TMEM131: variants seen among roughly 807,000 people sequenced by gnomAD.
TMEM131 encodes 2610524E03Rik.
In TMEM131, 66 loss-of-function variants were observed where a neutral mutation model predicts 211.6. That is an observed-to-expected ratio of 0.31 (90% CI 0.26 to 0.38). The LOEUF (loss-of-function observed/expected upper bound fraction) is 0.38. Ranked by LOEUF, TMEM131 falls within the 10% of genes least tolerant of loss-of-function variation. The probability of loss-of-function intolerance (pLI) is 1.00; values close to 1 mark genes in which losing one functional copy is unlikely to be tolerated. For synonymous variants in TMEM131, 844 were observed against 841.3 expected (o/e 1.00, Z -0.06); for missense variants, 2,036 against 2,299.3 (o/e 0.89, Z 2.34).
At chr2:97,934,145 A>G (rs1375488477) in intron 1 of TMEM131, among the ~76,000 whole-genome samples, 2 of 152,186 alleles carry the variant, frequency 1.3e-5, no homozygotes, top group African/African-American at 4.8e-5. Flanking sequence ...AGTCCTTCTT[A>G]AAGGTAATAA....
intron 6 of TMEM131, among the ~76,000 whole-genome samples, chr2:97,842,632 T>G (rs1683251233): frequency 6.6e-6 from 1 of 151,502 alleles, no homozygotes; most frequent in Non-Finnish European, 1.5e-5. Flanking sequence ...ACAGCAGTGG[T>G]AGTGAGGAGG....
chr2:97,969,054 T>C (rs1679181035), intron 1 of TMEM131, among the ~76,000 whole-genome samples: 1 of 150,896 alleles, frequency 6.6e-6, no homozygotes, highest in Non-Finnish European at 1.5e-5. Flanking sequence ...CTCACTGCAC[T>C]TGAGTATGGG....
At chr2:97,767,489 G>A (rs1679226928) in intron 33 of TMEM131, among the ~76,000 whole-genome samples, 1 of 152,152 alleles carries the variant, frequency 6.6e-6, no homozygotes, top group South Asian at 2.1e-4. Context: ...GGACTGGGAG[G>A]ACCTCCGGAA....
At chr2:97,804,973 T>A in intron 22 of TMEM131, 115 bp downstream of exon 22, 1 of 711,366 alleles carries the variant, frequency 1.4e-6, no homozygotes. Flanking sequence ...AAATTAGGCA[T>A]TCTTTCTTAG....
At chr2:97,825,106 A>G (rs997019873) in intron 11 of TMEM131, among the ~76,000 whole-genome samples, 1 of 152,204 alleles carries the variant, frequency 6.6e-6, no homozygotes, top group East Asian at 1.9e-4. Context: ...ACATGTCCCA[A>G]CTTATGTGGA....
intron 17 of TMEM131, among the ~76,000 whole-genome samples, chr2:97,812,087 T>C (rs1681573743): frequency 6.6e-6 from 1 of 152,182 alleles, no homozygotes. Flanking sequence ...GGGCCATCTC[T>C]TTTTCCCAGT....
At chr2:97,943,021 GAAAAGAAAAGAAAAGAAAAGAA>G (rs1677835805) in intron 1 of TMEM131, among the ~76,000 whole-genome samples, 1 of 39,212 alleles carries the variant, frequency 2.6e-5, no homozygotes, top group Non-Finnish European at 4.9e-5. Context: ...GAAAAGAAAA[GAAAAGAAAAGAAAAGAAAAGAA>G]AGAAAGAAAG....
At chr2:97,911,128 T>C (rs1359975199) in intron 2 of TMEM131, among the ~76,000 whole-genome samples, 3 of 152,164 alleles carry the variant, frequency 2.0e-5, no homozygotes, top group Admixed American at 6.5e-5. Context: ...GAATAAGCTA[T>C]TGATATACAA....
chr2:97,938,635 C>G (rs1252108826), intron 1 of TMEM131, among the ~76,000 whole-genome samples: 2 of 152,176 alleles, frequency 1.3e-5, no homozygotes, highest in Non-Finnish European at 2.9e-5. Flanking sequence ...AGAAAGTTAA[C>G]AAGGATATCC....
chr2:97,799,916 TAA>T (rs1680946169), intron 25 of TMEM131, among the ~76,000 whole-genome samples: 1 of 152,182 alleles, frequency 6.6e-6, no homozygotes, highest in African/African-American at 2.4e-5. Flanking sequence ...ACCTGTCTAT[TAA>T]GTCAGGGAGC....
chr2:97,931,148 CAAT>C (rs1371371562), intron 1 of TMEM131, among the ~76,000 whole-genome samples: 1 of 151,718 alleles, frequency 6.6e-6, no homozygotes, highest in Non-Finnish European at 1.5e-5. Context: ...ATATTTCTGA[CAAT>C]AAGTGAGGAA....
chr2:97,965,631 G>A (rs924726206), intron 1 of TMEM131, among the ~76,000 whole-genome samples: 2 of 151,918 alleles, frequency 1.3e-5, no homozygotes, highest in Admixed American at 1.3e-4. Context: ...GCTGTGACAA[G>A]CCCCATGGCT....
intron 7 of TMEM131, among the ~76,000 whole-genome samples, chr2:97,838,651 G>A (rs1294560304): frequency 6.6e-6 from 1 of 152,022 alleles, no homozygotes; most frequent in Non-Finnish European, 1.5e-5. Flanking sequence ...CACCATGTTG[G>A]TCAGGCTGGT....
At chr2:97,805,473 C>T (rs1340542515) in intron 20 of TMEM131, 22 bp from the exon 21 acceptor site, 1 of 1,613,770 alleles carries the variant, frequency 6.2e-7, no homozygotes, top group South Asian at 1.1e-5. Flanking sequence ...CACAGGAGAA[C>T]CATGAATCCC....
chr2:97,912,667 A>C (rs1242669665), intron 2 of TMEM131, among the ~76,000 whole-genome samples: 2 of 152,198 alleles, frequency 1.3e-5, no homozygotes, highest in East Asian at 3.8e-4. Context: ...ATGTATATGC[A>C]TGTGAGTTTG....
chr2:97,931,566 CAA>C (rs1486007385), intron 1 of TMEM131, among the ~76,000 whole-genome samples: 2 of 151,880 alleles, frequency 1.3e-5, no homozygotes, highest in Non-Finnish European at 2.9e-5. Flanking sequence ...ATGAAAAAAA[CAA>C]ATGCTGTAAA....
chr2:97,797,471 G>A lies in TMEM131; in HGVS notation c.2764C>T (p.Arg922Ter). 1.2e-6 allele frequency: 2 copies of A among 1,613,500 alleles called. No individual in the cohort carries two copies. Among genetic ancestry groups the A allele is most frequent in the Non-Finnish European group, 1.7e-6 (2 of 1,179,616 alleles). The change falls in exon 26 of 41, where the codon CGA becomes TGA. Residue 922 changes from arginine (R) to a stop codon, truncating the protein, a stop_gained. Coordinates refer to ENST00000186436, the MANE Select transcript of TMEM131 (RefSeq NM_015348.2). LOFTEE classifies it high-confidence loss of function. The part of the protein sequence containing the change: ...SSTGFMEGLS[R>*]HLILNLILKP... ...AAAATTAGGTTTAAAATTAAATGTC[G>A]AGAGAGGCCCTCCATAAATCCTGTT...
At chr2:97,876,675 T>C (rs1674709239) in intron 4 of TMEM131, among the ~76,000 whole-genome samples, 1 of 152,170 alleles carries the variant, frequency 6.6e-6, no homozygotes, top group Admixed American at 6.6e-5. Flanking sequence ...AAACTGTCAA[T>C]AAACTAGGTA....
chr2:97,964,780 G>A (rs1678974576), intron 1 of TMEM131, among the ~76,000 whole-genome samples: 2 of 152,196 alleles, frequency 1.3e-5, no homozygotes, highest in African/African-American at 4.8e-5. Context: ...TGGGAAGGAA[G>A]ATACTAATCT....
Sources: gnomAD v4.1 joint callset for allele counts (sites outside exome capture counted in the v4.1 genomes callset) on GRCh38, gnomAD v4.1.1 for gene constraint, MANE v1.5 for transcripts, NCBI Gene and HGNC (gene_info 2026-07-23, HGNC 2026-07-21) for gene names.